APOL4: variants seen among roughly 807,000 people sequenced by gnomAD.
APOL4 encodes the protein apolipoprotein L, 4.
Under a neutral mutation model 12.1 loss-of-function variants are expected in APOL4, and 14 were observed. The observed-to-expected ratio is 1.16, with a 90% confidence interval of 0.76 to 1.81. The LOEUF (loss-of-function observed/expected upper bound fraction) is 1.81, where lower values mean the gene tolerates loss of function less well. Ranked by LOEUF, APOL4 falls within the 40% of genes most tolerant of loss-of-function variation. The pLI is 0.00. For synonymous variants in APOL4, 171 were observed against 160.6 expected, an observed-to-expected ratio of 1.06 and a Z score of -0.49; for missense variants, 432 against 423.1, an observed-to-expected ratio of 1.02 and a Z score of -0.18.
At chr22:36,200,728 T>G (rs911444759) in intron 1 of APOL4, among the ~76,000 whole-genome samples, 11 of 152,244 alleles carry the variant, frequency 7.2e-5, no homozygotes, top group Non-Finnish European at 1.0e-4. Flanking sequence ...CCACACTACA[T>G]GCAAATTGTA....
chr22:36,192,486 C>T (rs2014287876), intron 3 of APOL4, among the ~76,000 whole-genome samples: 1 of 152,180 alleles, frequency 6.6e-6, no homozygotes, highest in South Asian at 2.1e-4. Context: ...ATAAAGATGG[C>T]TCCTCATGCA....
rs569187342 is a variant in APOL4, at chr22:36,195,516, G to T, written c.83-79C>A. On this transcript the variant is annotated intron_variant, in intron 2 of 3. Coordinates refer to ENST00000683024, the MANE Select transcript of APOL4 (RefSeq NM_001386885.1). ...GGCATTGAGTATAAGGTGGTTCGGT[G>T]TTAATCCTCCTGAACCAGCTGTCAC... 4.0e-6 allele frequency: 6 copies of T among 1,513,674 alleles called. No homozygotes were observed. In the East Asian group the frequency reaches 1.4e-4, roughly 35 times the overall value. The allele number at this position is 1,513,674 out of a possible 1,614,324, so 93.8% of individuals were successfully genotyped here.
At chr22:36,203,578 G>C (rs1359709061), upstream of APOL4, among the ~76,000 whole-genome samples, 1 of 152,152 alleles carries the variant, frequency 6.6e-6, no homozygotes, top group Non-Finnish European at 1.5e-5. Flanking sequence ...AGTAACAATT[G>C]CAACAAAAGC....
At chr22:36,192,821 G>T (rs537954148) in intron 3 of APOL4, among the ~76,000 whole-genome samples, 107 of 152,188 alleles carry the variant, frequency 7.0e-4, no homozygotes, top group Non-Finnish European at 1.3e-3. Flanking sequence ...GACTAAAGGG[G>T]TTAGACCTTG....
Position 36,191,087 on chromosome 22 carries a change from TA to T in APOL4, c.1034del (p.Leu345GlnfsTer21). On this transcript the variant is annotated frameshift_variant, in exon 4 of 4. Coordinates refer to ENST00000683024, the MANE Select transcript of APOL4 (RefSeq NM_001386885.1). LOFTEE classifies it high-confidence loss of function. ...LNELTHIHQS[L>X]KAG ...GCAACAATTGGGCCTAGCCTGCTTTTAGACTCTGATGGATATGGGTGAGCTC... is the reference window on the plus strand; with the variant it reads ...GCAACAATTGGGCCTAGCCTGCTTTTGACTCTGATGGATATGGGTGAGCTC... 1 of 1,601,090 alleles carries T rather than the reference TA, an allele frequency of 6.2e-7. No homozygotes were observed. Among genetic ancestry groups the T allele is most frequent in the Non-Finnish European group, 8.5e-7 (1 of 1,173,156 alleles).
chr22:36,194,065 T>A (rs1356502238), intron 3 of APOL4, among the ~76,000 whole-genome samples: 1 of 152,170 alleles, frequency 6.6e-6, no homozygotes, highest in Non-Finnish European at 1.5e-5. Context: ...AAGACCTGCA[T>A]TTGGACAAGA....
chr22:36,204,325 C>T (rs1040902736), upstream of APOL4, among the ~76,000 whole-genome samples: 2 of 152,174 alleles, frequency 1.3e-5, no homozygotes, highest in African/African-American at 2.4e-5. Flanking sequence ...CAACACAAAC[C>T]TTCCTTCTGG....
intron 2 of APOL4, chr22:36,197,679 A>C (rs563684211): frequency 6.4e-7 from 1 of 1,550,400 alleles, no homozygotes; most frequent in African/African-American, 1.4e-5. Flanking sequence ...GCCAGTCATG[A>C]GCAGCCAGCT....
At position 36,191,160 on chromosome 22, in the gene APOL4, G is replaced by T. The variant is rs1256510305; in HGVS notation, c.962C>A (p.Ala321Asp). Reference sequence around the variant, plus strand: ...CTGAGCCCACTGCCTCAGCGACTCAGCAGACTCGGATTTTGCCCCCTTGTG... The same window carrying T: ...CTGAGCCCACTGCCTCAGCGACTCATCAGACTCGGATTTTGCCCCCTTGTG... Reference protein sequence around the residue: ...DLHKGAKSESAESLRQWAQEL... With the variant: ...DLHKGAKSESDESLRQWAQEL... Residue 321 changes from alanine to aspartate, a missense_variant, in exon 4 of 4, where the codon GCT (alanine) becomes GAT (aspartate). Physicochemically the swap from Ala to Asp is moderately radical, Grantham distance 126. Transcript: ENST00000683024. 6.2e-7 allele frequency: 1 copy of T among 1,612,370 alleles called. No homozygotes were observed. Among genetic ancestry groups the T allele is most frequent in the Non-Finnish European group, 8.5e-7 (1 of 1,179,278 alleles).
At position 36,191,178 on chromosome 22, in the gene APOL4, C is replaced by T. The variant is rs777265993; in HGVS notation, c.944G>A (p.Gly315Glu). 1 of 1,613,240 alleles carries T rather than the reference C, an allele frequency of 6.2e-7. No homozygotes were observed. Among genetic ancestry groups the T allele is most frequent in the Non-Finnish European group, 8.5e-7 (1 of 1,179,534 alleles). ...CGACTCAGCAGACTCGGATTTTGCC[C>T]CCTTGTGCAAGTCCAGTGAGTCTTG... ...LVQDSLDLHK[G>E]AKSESAESLR... is the part of the protein sequence containing the mutation. The change falls in exon 4 of 4, where the codon GGG becomes GAG. Residue 315 changes from glycine (G) to glutamate (E), a missense_variant. By Grantham distance (98) the Gly-to-Glu change is moderately conservative (BLOSUM62 -2). Coordinates refer to ENST00000683024, the MANE Select transcript of APOL4 (RefSeq NM_001386885.1).
chr22:36,201,857 A>G (rs975946417), upstream of APOL4: 5 of 1,577,740 alleles, frequency 3.2e-6, no homozygotes, highest in African/African-American at 1.4e-5. Flanking sequence ...CGAGTCTACC[A>G]GTTGGTCAAT....
intron 2 of APOL4, among the ~76,000 whole-genome samples, chr22:36,199,119 G>T (rs974049407): frequency 3.3e-5 from 5 of 152,268 alleles, no homozygotes; most frequent in Non-Finnish European, 7.3e-5. Context: ...CTGAGGAGAG[G>T]TCAGGATGCA....
intron 2 of APOL4, among the ~76,000 whole-genome samples, chr22:36,195,768 TCTC>T (rs547998805): frequency 0.074 from 7,789 of 105,256 alleles, 652 homozygotes; most frequent in African/African-American, 0.25. Flanking sequence ...TCTCTCTCTC[TCTC>T]TCTCTCACAC....
chr22:36,203,912 G>A (rs148063932), upstream of APOL4, among the ~76,000 whole-genome samples: 309 of 152,210 alleles, frequency 2.0e-3, 1 homozygote, highest in African/African-American at 7.2e-3. Context: ...TAGTTTCAGG[G>A]GGTCTCCCTA....
chr22:36,189,251 T>C lies in APOL4; in HGVS notation c.*1824A>G, dbSNP rs2014176247. 6.6e-6 allele frequency: 1 copy of C among 152,222 alleles called. No homozygotes were observed. 9.4% of individuals were successfully genotyped at this position (152,222 alleles called of 1,614,324 possible). On this transcript the variant is annotated 3_prime_UTR_variant, in exon 4 of 4. Coordinates refer to ENST00000683024, the MANE Select transcript of APOL4 (RefSeq NM_001386885.1). Reference sequence around the variant, plus strand: ...TAATTTTCTGGCTCTTTGTCTACTATATATGAGCAACGAGACTTTTACTTG... The same window carrying C: ...TAATTTTCTGGCTCTTTGTCTACTACATATGAGCAACGAGACTTTTACTTG...
chr22:36,197,633 G>A, intron 2 of APOL4: 1 of 1,543,432 alleles, frequency 6.5e-7, no homozygotes, highest in Non-Finnish European at 8.7e-7. Flanking sequence ...ATATCAGATG[G>A]GCGCTTCTGT....
intron 2 of APOL4, among the ~76,000 whole-genome samples, chr22:36,196,585 A>C (rs945440921): frequency 2.0e-5 from 3 of 152,196 alleles, no homozygotes; most frequent in African/African-American, 7.2e-5. Flanking sequence ...TGCCCCAAAA[A>C]TGTGTGGTTT....
At position 36,189,924 on chromosome 22, in the gene APOL4, T is replaced by C. The variant is rs2014197259; in HGVS notation, c.*1151A>G. ...GCCCTCTTTATTCCCCTAAAAAATG[T>C]CTGCGTTTTGTCCCGGCCTGTGTCT... On this transcript the variant is annotated 3_prime_UTR_variant, in exon 4 of 4. Transcript: ENST00000683024. 1 of 195,400 alleles carries C rather than the reference T, an allele frequency of 5.1e-6. No individual in the cohort carries two copies. Among genetic ancestry groups the C allele is most frequent in the Admixed American group, 4.9e-5 (1 of 20,340 alleles). The allele number at this position is 195,400 out of a possible 1,614,324, so 12.1% of individuals were successfully genotyped here. A position where few individuals can be genotyped will look rare whatever the true frequency, so the allele number is the denominator to read the frequency against.
chr22:36,199,763 A>G (rs931761041), intron 1 of APOL4, among the ~76,000 whole-genome samples: 2 of 152,218 alleles, frequency 1.3e-5, no homozygotes, highest in Non-Finnish European at 1.5e-5. Flanking sequence ...GCCAGTCTGT[A>G]TTGAGTGTCT....
Sources: gnomAD v4.1 joint callset for allele counts (sites outside exome capture counted in the v4.1 genomes callset) on GRCh38, gnomAD v4.1.1 for gene constraint, MANE v1.5 for transcripts, NCBI Gene and HGNC (gene_info 2026-07-23, HGNC 2026-07-21) for gene names.